The following TMEM278 variants were observed in gnomAD, a reference collection of about 807,000 sequenced individuals.
TMEM278 encodes transmembrane protein 88B.
chr1:1,426,278 C>G, the TMEM278 span: 4 of 1,493,462 alleles, frequency 2.7e-6, no homozygotes, highest in Non-Finnish European at 1.8e-6. Context: ...GCCCGGCCGG[C>G]TGCTGGCCGG....
chr1:1,427,975 AAG>A, the TMEM278 span, among the ~76,000 whole-genome samples: 20 of 55,464 alleles, frequency 3.6e-4, no homozygotes, highest in South Asian at 7.9e-4. Flanking sequence ...AGGGGAGGGG[AAG>A]AGAGGGGAGG....
At chr1:1,428,651 A>G in the TMEM278 span, among the ~76,000 whole-genome samples, 1 of 151,558 alleles carries the variant, frequency 6.6e-6, no homozygotes, top group East Asian at 1.9e-4. Context: ...TCATCAAATT[A>G]CTCCCTTCCG....
At chr1:1,430,001 G>C in the TMEM278 span, among the ~76,000 whole-genome samples, 1 of 152,136 alleles carries the variant, frequency 6.6e-6, no homozygotes, top group Non-Finnish European at 1.5e-5. Flanking sequence ...GCTGTGACTA[G>C]AGTGCACCAC....
the TMEM278 span, chr1:1,426,140 G>C: frequency 7.1e-7 from 1 of 1,410,348 alleles, no homozygotes; most frequent in Non-Finnish European, 9.3e-7. Context: ...GAGTGAGCAG[G>C]GGAGGGAGAC....
chr1:1,427,397 T>TGCC, the TMEM278 span, among the ~76,000 whole-genome samples: 4 of 792 alleles, frequency 5.1e-3, no homozygotes, highest in South Asian at 0.045. Flanking sequence ...GCTCCCCTCT[T>TGCC]CTCCCCCTTC....
At chr1:1,426,512 T>G in the TMEM278 span, 1 of 740,272 alleles carries the variant, frequency 1.4e-6, no homozygotes, top group Non-Finnish European at 1.9e-6. Flanking sequence ...TGCCCCTCCC[T>G]GGCAGCCCCT....
the TMEM278 span, among the ~76,000 whole-genome samples, chr1:1,428,806 C>T: frequency 6.6e-6 from 1 of 152,116 alleles, no homozygotes; most frequent in South Asian, 2.1e-4. Context: ...CCAGATCATC[C>T]TGGCTAACAC....
chr1:1,427,320 TCTCCTCC>T, the TMEM278 span, among the ~76,000 whole-genome samples: 1 of 42,758 alleles, frequency 2.3e-5, no homozygotes, highest in Non-Finnish European at 4.4e-5. Context: ...ACCCACACCC[TCTCCTCC>T]GCGCCTCCCC....
chr1:1,429,688 G>A, the TMEM278 span, among the ~76,000 whole-genome samples: 17 of 152,054 alleles, frequency 1.1e-4, no homozygotes, highest in African/African-American at 4.1e-4. Flanking sequence ...TTTTCCAGGC[G>A]AGACCACCCT....
At chr1:1,427,278 C>A in the TMEM278 span, among the ~76,000 whole-genome samples, 1 of 137,908 alleles carries the variant, frequency 7.3e-6, no homozygotes, top group African/African-American at 2.8e-5. Context: ...CCTCACCGTC[C>A]GGCCCTCACC....
At chr1:1,428,601 G>A in the TMEM278 span, among the ~76,000 whole-genome samples, 1,504 of 152,300 alleles carry the variant, frequency 9.9e-3, 26 homozygotes, top group African/African-American at 0.034. Flanking sequence ...GTTTCACCAC[G>A]AATTCCTTCT....
At chr1:1,427,789 C>A in the TMEM278 span, 134 of 1,379,192 alleles carry the variant, frequency 9.7e-5, no homozygotes, top group Non-Finnish European at 1.2e-4. Context: ...TGGGTGTGAC[C>A]CGGCGGCCGC....
chr1:1,427,924 C>T, the TMEM278 span: 231 of 762,300 alleles, frequency 3.0e-4, no homozygotes, highest in Admixed American at 6.6e-4. Flanking sequence ...CTTACGACCC[C>T]GGCCTCCCCC....
the TMEM278 span, among the ~76,000 whole-genome samples, chr1:1,428,523 CCT>C: frequency 2.0e-5 from 3 of 152,108 alleles, no homozygotes; most frequent in Non-Finnish European, 2.9e-5. Context: ...TCACACCCAC[CCT>C]GTTTGGTGTA....
At chr1:1,426,797 G>A in the TMEM278 span, among the ~76,000 whole-genome samples, 2 of 152,050 alleles carry the variant, frequency 1.3e-5, no homozygotes, top group African/African-American at 4.8e-5. Context: ...CCTGCAGAGT[G>A]GGCTGTGGCC....
chr1:1,426,247 G>A, the TMEM278 span: 1 of 1,484,994 alleles, frequency 6.7e-7, no homozygotes, highest in Non-Finnish European at 9.0e-7. Flanking sequence ...CGTGCCCAGG[G>A]TGGTCGGGGC....
At chr1:1,428,600 C>T in the TMEM278 span, among the ~76,000 whole-genome samples, 5 of 152,228 alleles carry the variant, frequency 3.3e-5, no homozygotes, top group East Asian at 1.9e-4. Context: ...AGTTTCACCA[C>T]GAATTCCTTC....
the TMEM278 span, among the ~76,000 whole-genome samples, chr1:1,428,999 CAAAAAAA>C: frequency 4.3e-5 from 4 of 93,286 alleles, no homozygotes; most frequent in Middle Eastern, 5.9e-3. Flanking sequence ...GGCTCCGTCT[CAAAAAAA>C]AAAAAAAAAA....
At chr1:1,427,060 C>T in the TMEM278 span, among the ~76,000 whole-genome samples, 3 of 144,628 alleles carry the variant, frequency 2.1e-5, no homozygotes, top group Non-Finnish European at 4.6e-5. Context: ...GGCCCTAATC[C>T]TTCATCCCTC....
Sources: allele counts gnomAD v4.1 joint callset (sites outside exome capture counted in the v4.1 genomes callset), GRCh38; gene constraint gnomAD v4.1.1; transcripts MANE v1.5; gene names NCBI Gene and HGNC (gene_info 2026-07-23, HGNC 2026-07-21).